The following MYO15B variants were observed in gnomAD, a reference collection of about 807,000 sequenced individuals.
MYO15B encodes the protein myosin XVB pseudogene.
Under a neutral mutation model 119.3 loss-of-function variants are expected in MYO15B, and 207 were observed. The observed-to-expected ratio is 1.73, with a 90% CI of 1.55 to 1.95. The LOEUF (loss-of-function observed/expected upper bound fraction) is 1.95. Ranked by LOEUF, MYO15B falls within the 30% of genes most tolerant of loss-of-function variation. The probability of loss-of-function intolerance (pLI) is 0.00; values close to 1 mark genes in which losing one functional copy is unlikely to be tolerated. For missense variants in MYO15B, 2,264 were observed against 1,203.1 expected, an observed-to-expected ratio of 1.88 and a Z score of -13.04; for synonymous variants, 966 against 498.9, an observed-to-expected ratio of 1.94 and a Z score of -12.48.
exon 1 of MYO15B, chr17:75,588,807 ACGGGGCTCT>A: frequency 2.5e-6 from 1 of 398,482 alleles, no homozygotes; most frequent in Non-Finnish European, 4.4e-6. Flanking sequence ...CCGGACCTGG[ACGGGGCTCT>A]CGGGCAGCTA....
intron 47 of MYO15B, 31 bp from the exon 48 acceptor site, chr17:75,620,212 TTGC>T: frequency 2.8e-6 from 2 of 702,244 alleles, no homozygotes; most frequent in East Asian, 5.4e-5. Context: ...ACAGGCAGAC[TTGC>T]TGCTCCAGGC....
intron 9 of MYO15B, among the ~76,000 whole-genome samples, chr17:75,593,957 G>A (rs1306617606): frequency 6.6e-6 from 1 of 151,804 alleles, no homozygotes; most frequent in Non-Finnish European, 1.5e-5. Context: ...GGGCATGGTG[G>A]CATGTGCCTG....
chr17:75,614,077 C>T (rs965439433), intron 29 of MYO15B, 122 bp from the exon 30 acceptor site: 24 of 630,824 alleles, frequency 3.8e-5, no homozygotes, highest in Admixed American at 9.3e-5. Flanking sequence ...ACCTGGGTCC[C>T]GGACCAGGCG....
At chr17:75,626,038 A>C in intron 62 of MYO15B, 50 bp from the exon 63 acceptor site, 1 of 697,428 alleles carries the variant, frequency 1.4e-6, no homozygotes, top group Non-Finnish European at 2.6e-6. Context: ...CATCACCCAC[A>C]ATGACCCCTC....
At chr17:75,590,914 G>A (rs542726480) in exon 3 of MYO15B, 339 of 486,416 alleles carry the variant, frequency 7.0e-4, no homozygotes, top group Non-Finnish European at 7.4e-4. Flanking sequence ...CAGACCTTTG[G>A]GGGGCCTGTC....
intron 31 of MYO15B, 42 bp downstream of exon 31, chr17:75,614,725 A>G (rs2058257378): frequency 2.8e-6 from 2 of 702,616 alleles, no homozygotes; most frequent in Non-Finnish European, 5.2e-6. Flanking sequence ...AGAGCATGGG[A>G]AGCCCCACGC....
At chr17:75,613,185 C>T in exon 27 of MYO15B, 1 of 699,980 alleles carries the variant, frequency 1.4e-6, no homozygotes, top group South Asian at 1.5e-5. Flanking sequence ...CCCCCACTGC[C>T]TGTCCTACAG....
intron 61 of MYO15B, 55 bp downstream of exon 61, chr17:75,625,715 A>C: frequency 1.4e-6 from 1 of 701,714 alleles, no homozygotes; most frequent in Non-Finnish European, 2.6e-6. Flanking sequence ...AGAGGGAAGG[A>C]ATGCAGGTAG....
At chr17:75,588,330 G>A (rs962133328) in exon 1 of MYO15B, 2 of 398,366 alleles carry the variant, frequency 5.0e-6, no homozygotes, top group Middle Eastern at 6.2e-4. Flanking sequence ...CCCAGGAGAG[G>A]CAAAGCAACG....
At chr17:75,621,809 G>A (rs571011038) in intron 52 of MYO15B, 195 bp from the exon 53 acceptor site, 60 of 610,114 alleles carry the variant, frequency 9.8e-5, no homozygotes, top group Non-Finnish European at 1.6e-4. Context: ...GCTATGTGCT[G>A]TGTGGGGCCT....
chr17:75,623,559 T>C (rs1031260954), intron 53 of MYO15B, among the ~76,000 whole-genome samples: 5 of 152,176 alleles, frequency 3.3e-5, no homozygotes, highest in African/African-American at 4.8e-5. Context: ...GGGAAGCAGA[T>C]TGCAGTGAGC....
chr17:75,588,163 C>T (rs1042501551), exon 1 of MYO15B: 1 of 397,928 alleles, frequency 2.5e-6, no homozygotes, highest in African/African-American at 2.1e-5. Flanking sequence ...CGCGCCCAGC[C>T]GGGAACGCCG....
At chr17:75,626,753 T>C in exon 64 of MYO15B, 1 of 547,406 alleles carries the variant, frequency 1.8e-6, no homozygotes, top group Non-Finnish European at 3.3e-6. Flanking sequence ...CTGAGGGAGA[T>C]GCCCACCCGA....
chr17:75,603,913 A>G (rs758070647), intron 19 of MYO15B, among the ~76,000 whole-genome samples: 9 of 152,160 alleles, frequency 5.9e-5, no homozygotes, highest in Non-Finnish European at 1.2e-4. Flanking sequence ...AAGCACAGGG[A>G]CAGAGGGAGC....
At chr17:75,598,761 A>G (rs1033439703) in intron 14 of MYO15B, among the ~76,000 whole-genome samples, 1 of 152,104 alleles carries the variant, frequency 6.6e-6, no homozygotes, top group Non-Finnish European at 1.5e-5. Context: ...TTTCTAAACG[A>G]TTGTTTCTCC....
At chr17:75,619,359 A>C (rs1340456726) in exon 45 of MYO15B, 2 of 702,530 alleles carry the variant, frequency 2.8e-6, no homozygotes, top group South Asian at 3.0e-5. Context: ...TGCCCACAGG[A>C]GGCTTGGAGG....
chr17:75,591,575 G>T, intron 4 of MYO15B, 26 bp from the exon 5 acceptor site: 1 of 702,632 alleles, frequency 1.4e-6, no homozygotes, highest in South Asian at 1.5e-5. Context: ...CCTCCCTGGA[G>T]ACCCTACCAA....
In MYO15B at chr17:75,624,727, G is replaced by C. The variant is rs760070232; in HGVS notation, c.8543-44G>C. The C allele has an allele frequency of 6.1e-5, 43 of 702,132 alleles. 1 individual carries two copies. The South Asian group carries it at 6.2e-4, about 10-fold the overall frequency. The allele number at this position is 702,132 out of a possible 1,614,324, so 43.5% of individuals were successfully genotyped here. ...GTTTCTGCTGGGGTGGCAGGGCCGGGTGTGTGTGGTCTGAGCAGCAGTGGA... is the reference window on the plus strand; with the variant it reads ...GTTTCTGCTGGGGTGGCAGGGCCGGCTGTGTGTGGTCTGAGCAGCAGTGGA... On this transcript the variant is annotated intron_variant, in intron 58 of 63. Coordinates refer to ENST00000645453, the Ensembl canonical transcript of MYO15B.
chr17:75,612,501 C>A (rs1327798100), intron 25 of MYO15B, among the ~76,000 whole-genome samples: 1 of 151,996 alleles, frequency 6.6e-6, no homozygotes, highest in Admixed American at 6.6e-5. Context: ...GGTGAAACCC[C>A]GTCTCTACTA....
Sources: gnomAD v4.1 joint callset for allele counts (sites outside exome capture counted in the v4.1 genomes callset) on GRCh38, gnomAD v4.1.1 for gene constraint, MANE v1.5 for transcripts, NCBI Gene and HGNC (gene_info 2026-07-23, HGNC 2026-07-21) for gene names.